ARHGAP15: variants seen among roughly 807,000 people sequenced by gnomAD.
ARHGAP15 encodes rho GTPase-activating protein 15.
ARHGAP15 carries 51 observed loss-of-function variants against 63.7 expected under a neutral mutation model. That is an observed-to-expected ratio of 0.80 (90% CI 0.64 to 1.01). ARHGAP15 has a LOEUF of 1.01. ARHGAP15 is among the 50% of genes least tolerant of loss of function. ARHGAP15 has a pLI of 0.00. For missense variants in ARHGAP15, 560 were observed against 564.6 expected, an observed-to-expected ratio of 0.99 and a Z score of 0.08; for synonymous variants, 191 against 193.8, an observed-to-expected ratio of 0.99 and a Z score of 0.12.
At chr2:143,225,933 A>C (rs760063099) in intron 4 of ARHGAP15, among the ~76,000 whole-genome samples, 7 of 152,234 alleles carry the variant, frequency 4.6e-5, no homozygotes, top group Non-Finnish European at 1.0e-4. Flanking sequence ...CAGCATTATT[A>C]TTCTTCGTTT....
chr2:143,253,507 T>C (rs1054703850), intron 6 of ARHGAP15, among the ~76,000 whole-genome samples: 1 of 152,102 alleles, frequency 6.6e-6, no homozygotes, highest in Non-Finnish European at 1.5e-5. Context: ...GATTGCTATG[T>C]GGAAACATAA....
At chr2:143,348,694 T>C (rs1685416616) in intron 6 of ARHGAP15, among the ~76,000 whole-genome samples, 1 of 152,200 alleles carries the variant, frequency 6.6e-6, no homozygotes, top group Non-Finnish European at 1.5e-5. Context: ...TGTGCGACTA[T>C]TCTCATTCCA....
At chr2:143,694,773 C>T (rs1683769147) in intron 12 of ARHGAP15, among the ~76,000 whole-genome samples, 1 of 152,252 alleles carries the variant, frequency 6.6e-6, no homozygotes, top group Non-Finnish European at 1.5e-5. Context: ...GTTTACTATA[C>T]TAACCATTAT....
At chr2:143,686,529 CCTTG>C (rs1386565946) in intron 12 of ARHGAP15, among the ~76,000 whole-genome samples, 1 of 151,794 alleles carries the variant, frequency 6.6e-6, no homozygotes, top group African/African-American at 2.4e-5. Flanking sequence ...ATATTTCCCA[CCTTG>C]CTTACATTTG....
At chr2:143,721,626 T>C (rs1201477731) in intron 13 of ARHGAP15, among the ~76,000 whole-genome samples, 1 of 151,978 alleles carries the variant, frequency 6.6e-6, no homozygotes, top group African/African-American at 2.4e-5. Context: ...ATGGGAGTAA[T>C]AATTTTCCTT....
At chr2:143,470,834 A>G (rs1156802304) in intron 8 of ARHGAP15, among the ~76,000 whole-genome samples, 1 of 149,670 alleles carries the variant, frequency 6.7e-6, no homozygotes, top group Non-Finnish European at 1.5e-5. Context: ...AGTTTCGCAT[A>G]TATATATATA....
intron 6 of ARHGAP15, among the ~76,000 whole-genome samples, chr2:143,266,485 T>C (rs1226366974): frequency 8.5e-5 from 13 of 152,196 alleles, no homozygotes. Flanking sequence ...GGTTGGTAGT[T>C]GCCATTGTAT....
rs147163340 is a variant in ARHGAP15 at position 143,727,903 on chromosome 2, T to C, written c.1244+24379T>C. Among the ~76,000 whole-genome samples, 477 of 152,308 alleles carry C rather than the reference T, an allele frequency of 3.1e-3. 3 individuals carry two copies. Among genetic ancestry groups the C allele is most frequent in the African/African-American group, 0.011 (456 of 41,564 alleles). On this transcript the variant is annotated intron_variant, in intron 13 of 13. Coordinates refer to ENST00000295095, the MANE Select transcript of ARHGAP15 (RefSeq NM_018460.4). ...TATTCATAATTTGACACAGGTTACG[T>C]TTGTTTTATAATTAAAGTTATGGAG...
intron 6 of ARHGAP15, among the ~76,000 whole-genome samples, chr2:143,392,026 CA>C (rs199742100): frequency 6.6e-6 from 1 of 150,396 alleles, no homozygotes; most frequent in Non-Finnish European, 1.5e-5. Flanking sequence ...CTGGCTTTGA[CA>C]AAAAAAACAA....
At chr2:143,496,950 G>A (rs887575561) in intron 9 of ARHGAP15, among the ~76,000 whole-genome samples, 1 of 152,160 alleles carries the variant, frequency 6.6e-6, no homozygotes, top group Non-Finnish European at 1.5e-5. Context: ...AGATTGCCCA[G>A]AATTCTGGCA....
chr2:143,278,306 T>C (rs1453859823), intron 6 of ARHGAP15, among the ~76,000 whole-genome samples: 1 of 152,148 alleles, frequency 6.6e-6, no homozygotes, highest in East Asian at 1.9e-4. Flanking sequence ...CAAAAAATGC[T>C]TCTCCCAGAT....
intron 11 of ARHGAP15, among the ~76,000 whole-genome samples, chr2:143,606,068 A>AAAAAAAAAAAAAAAAAC (rs1559076928): frequency 2.3e-5 from 1 of 44,084 alleles, no homozygotes; most frequent in South Asian, 7.6e-4. Flanking sequence ...AAAAAAAAAA[A>AAAAAAAAAAAAAAAAAC]AAGCCATACA....
intron 13 of ARHGAP15, among the ~76,000 whole-genome samples, chr2:143,715,516 A>G (rs958529671): frequency 6.6e-6 from 1 of 152,160 alleles, no homozygotes. Context: ...TTTCATCCTG[A>G]CAAACAAGCA....
rs145059524 is a variant in ARHGAP15 at position 143,578,182 on chromosome 2, C to A, written c.1003+21697C>A. ...TGCTAGCTCAGGTATAAGTGTGGAC[C>A]CTCATATGTCCTGAGTATTTCATTT... On this transcript the variant is annotated intron_variant, in intron 11 of 13. Coordinates refer to ENST00000295095, the MANE Select transcript of ARHGAP15 (RefSeq NM_018460.4). Among the ~76,000 whole-genome samples the A allele has an allele frequency of 2.4e-4, 37 of 152,024 alleles. No individual in the cohort carries two copies. The East Asian group carries it at 7.1e-3, about 29-fold the overall frequency.
chr2:143,391,008 C>T (rs1467072728), intron 6 of ARHGAP15, among the ~76,000 whole-genome samples: 1 of 152,082 alleles, frequency 6.6e-6, no homozygotes, highest in Non-Finnish European at 1.5e-5. Context: ...ACAGAGTTAC[C>T]TGGGGTCTCC....
intron 12 of ARHGAP15, among the ~76,000 whole-genome samples, chr2:143,700,673 A>AAT (rs70982881): frequency 0.28 from 43,192 of 151,602 alleles, 7,477 homozygotes; most frequent in Admixed American, 0.39. Context: ...CTCTTGAATG[A>AAT]ATATATATAT....
intron 6 of ARHGAP15, among the ~76,000 whole-genome samples, chr2:143,430,839 A>T (rs989262120): frequency 2.0e-5 from 3 of 151,984 alleles, no homozygotes; most frequent in Non-Finnish European, 4.4e-5. Context: ...TAGCCATATT[A>T]TTTAACATGT....
intron 11 of ARHGAP15, among the ~76,000 whole-genome samples, chr2:143,590,325 A>G (rs1224980633): frequency 6.6e-6 from 1 of 152,190 alleles, no homozygotes; most frequent in Non-Finnish European, 1.5e-5. Flanking sequence ...TCTTCATAGT[A>G]TTACAGCACA....
intron 1 of ARHGAP15, among the ~76,000 whole-genome samples, chr2:143,153,800 CTTCTTCTTCTTCTTCT>C (rs1689938687): frequency 1.7e-5 from 1 of 58,104 alleles, no homozygotes; most frequent in South Asian, 8.9e-4. Context: ...TCTTCTTCTT[CTTCTTCTTCTTCTTCT>C]TCTTCTTCTT....
Sources: allele counts gnomAD v4.1 joint callset (sites outside exome capture counted in the v4.1 genomes callset), GRCh38; gene constraint gnomAD v4.1.1; transcripts MANE v1.5; gene names NCBI Gene and HGNC (gene_info 2026-07-23, HGNC 2026-07-21).